The following CYP7B1 variants were observed in gnomAD, a reference collection of about 807,000 sequenced individuals.
CYP7B1 encodes cytochrome P450 family 7 subfamily B member 1, also known as cytochrome P450 7B1.
Under a neutral mutation model 42.7 loss-of-function variants are expected in CYP7B1, and 29 were observed. The observed-to-expected ratio is 0.68, with a 90% CI of 0.51 to 0.93. CYP7B1 has a LOEUF of 0.93. Ranked by LOEUF, CYP7B1 falls within the 40% of genes least tolerant of loss-of-function variation. The pLI, the probability that CYP7B1 is intolerant of heterozygous loss-of-function variation, is 0.00. For synonymous variants in CYP7B1, 235 were observed against 218.2 expected (o/e 1.08, Z -0.68); for missense variants, 655 against 600.5 (o/e 1.09, Z -0.95).
intron 5 of CYP7B1, among the ~76,000 whole-genome samples, chr8:64,601,486 T>G (rs989195708): frequency 1.6e-4 from 24 of 152,338 alleles, no homozygotes; most frequent in African/African-American, 5.8e-4. Flanking sequence ...ATGGAGCTTC[T>G]CTATAGCTCC....
intron 1 of CYP7B1, among the ~76,000 whole-genome samples, chr8:64,774,067 T>C (rs965080449): frequency 6.6e-6 from 1 of 152,188 alleles, no homozygotes; most frequent in Admixed American, 6.5e-5. Context: ...TTCATCCTTA[T>C]ACCTTCCCTC....
At chr8:64,788,216 T>C (rs1468952881) in intron 1 of CYP7B1, among the ~76,000 whole-genome samples, 3 of 152,224 alleles carry the variant, frequency 2.0e-5, no homozygotes, top group African/African-American at 7.2e-5. Flanking sequence ...TTCTCAATTG[T>C]AATAGATGGA....
chr8:64,732,509 C>A (rs1002847259), intron 1 of CYP7B1, among the ~76,000 whole-genome samples: 1 of 152,066 alleles, frequency 6.6e-6, no homozygotes, highest in Non-Finnish European at 1.5e-5. Context: ...GGCTCATAGG[C>A]GGAAGGGATT....
chr8:64,654,858 A>G lies in CYP7B1; in HGVS notation c.123-30319T>C, dbSNP rs557172473. ...AATGGGACAGAATAGAGAGTCTAGA[A>G]ATAAGGCCGCACACCTAAAGTCATC... is the stretch of plus-strand genomic sequence containing the variant. On this transcript the variant is annotated intron_variant, in intron 1 of 5. Transcript: ENST00000310193. 8.5e-4 allele frequency among the ~76,000 whole-genome samples: 130 copies of G among 152,276 alleles called. 1 individual carries two copies. The highest frequency in any genetic ancestry group is 1.7e-3 in the Non-Finnish European group (115 of 68,010).
chr8:64,651,075 A>C (rs1380530539), intron 1 of CYP7B1, among the ~76,000 whole-genome samples: 1 of 152,252 alleles, frequency 6.6e-6, no homozygotes, highest in African/African-American at 2.4e-5. Flanking sequence ...AGACATCCAC[A>C]GTGTATTCTG....
chr8:64,680,240 T>C (rs867098035), intron 1 of CYP7B1, among the ~76,000 whole-genome samples: 1 of 152,170 alleles, frequency 6.6e-6, no homozygotes, highest in Non-Finnish European at 1.5e-5. Flanking sequence ...CCTTCATTTT[T>C]CTCCCCAGTG....
intron 1 of CYP7B1, chr8:64,729,128 C>G (rs1463373038): frequency 6.6e-6 from 1 of 152,200 alleles, no homozygotes; most frequent in Non-Finnish European, 1.5e-5. Context: ...CCACTGCACT[C>G]CCGCCTGGGC....
At chr8:64,655,964 C>T (rs1563379167) in intron 1 of CYP7B1, among the ~76,000 whole-genome samples, 2 of 151,956 alleles carry the variant, frequency 1.3e-5, no homozygotes, top group African/African-American at 4.8e-5. Flanking sequence ...AAGTGGGAGA[C>T]CTCATGAACA....
chr8:64,668,417 T>A (rs1343632953), intron 1 of CYP7B1, among the ~76,000 whole-genome samples: 2 of 152,168 alleles, frequency 1.3e-5, no homozygotes, highest in South Asian at 2.1e-4. Flanking sequence ...TATTTTATTT[T>A]TTTTTAGCAG....
At chr8:64,745,010 T>C (rs768493865) in intron 1 of CYP7B1, among the ~76,000 whole-genome samples, 15 of 152,170 alleles carry the variant, frequency 9.9e-5, no homozygotes, top group Non-Finnish European at 1.9e-4. Context: ...ACATATGCTT[T>C]TGTAGATTTG....
intron 1 of CYP7B1, among the ~76,000 whole-genome samples, chr8:64,665,599 G>C (rs1232803737): frequency 6.3e-5 from 4 of 63,170 alleles, no homozygotes; most frequent in Admixed American, 5.1e-4. Flanking sequence ...TTTTTGAGAC[G>C]GAGTTTCACT....
At chr8:64,686,149 G>C (rs1352630848) in intron 1 of CYP7B1, among the ~76,000 whole-genome samples, 2 of 91,274 alleles carry the variant, frequency 2.2e-5, no homozygotes, top group Admixed American at 9.3e-5. Flanking sequence ...TGGGAGGTGA[G>C]GGGCGCCTCT....
At chr8:64,688,094 T>C (rs548409287) in intron 1 of CYP7B1, among the ~76,000 whole-genome samples, 2 of 152,334 alleles carry the variant, frequency 1.3e-5, no homozygotes. Context: ...TAAACACATA[T>C]GTTTCAGCAT....
At chr8:64,676,814 C>T (rs1806452481) in intron 1 of CYP7B1, among the ~76,000 whole-genome samples, 1 of 152,082 alleles carries the variant, frequency 6.6e-6, no homozygotes. Flanking sequence ...TTCCCCCAAG[C>T]TTTCAATTTA....
At chr8:64,614,572 C>T (rs1805405997) in intron 4 of CYP7B1, among the ~76,000 whole-genome samples, 1 of 152,048 alleles carries the variant, frequency 6.6e-6, no homozygotes, top group Admixed American at 6.6e-5. Context: ...GAGAATCACA[C>T]ACTCCATAAA....
At chr8:64,754,123 G>A (rs1322045090) in intron 1 of CYP7B1, among the ~76,000 whole-genome samples, 6 of 152,202 alleles carry the variant, frequency 3.9e-5, no homozygotes, top group Admixed American at 3.3e-4. Flanking sequence ...TGTGATTGGT[G>A]CCTGTACACA....
At position 64,594,483 on chromosome 8, in the gene CYP7B1, C is replaced by T. The variant is rs550410973; in HGVS notation, c.*2159G>A. 1.3e-5 allele frequency among the ~76,000 whole-genome samples: 2 copies of T among 151,808 alleles called. No homozygotes were observed. Among genetic ancestry groups the T allele is most frequent in the Non-Finnish European group, 2.9e-5 (2 of 67,938 alleles). ...ATGTTACATGAAAACATATACATAC[C>T]AAGATATGCATCAAACACATTAGAA... On this transcript the variant is annotated 3_prime_UTR_variant, in exon 6 of 6. Transcript: ENST00000310193.
chr8:64,606,001 A>G (rs929281631), intron 4 of CYP7B1, among the ~76,000 whole-genome samples: 8 of 152,256 alleles, frequency 5.3e-5, no homozygotes, highest in Non-Finnish European at 8.8e-5. Flanking sequence ...AGTAAAATTT[A>G]AATCTATGCA....
intron 1 of CYP7B1, among the ~76,000 whole-genome samples, chr8:64,703,570 T>C (rs1806949610): frequency 6.6e-6 from 1 of 151,908 alleles, no homozygotes; most frequent in Non-Finnish European, 1.5e-5. Context: ...ATTAATAGGG[T>C]AAACAAACGA....
Sources: gnomAD v4.1 joint callset for allele counts (sites outside exome capture counted in the v4.1 genomes callset) on GRCh38, gnomAD v4.1.1 for gene constraint, MANE v1.5 for transcripts, NCBI Gene and HGNC (gene_info 2026-07-23, HGNC 2026-07-21) for gene names.